Variants in EIF2A observed in about 807,000 individuals in gnomAD.
EIF2A encodes the protein 65 kDa eukaryotic translation initiation factor 2A.
Under a neutral mutation model 75.2 loss-of-function variants are expected in EIF2A, and 62 were observed. The ratio of observed to expected loss-of-function variants is 0.82; its 90% CI spans 0.67 to 1.02. The LOEUF (loss-of-function observed/expected upper bound fraction) is 1.02, where lower values mean the gene tolerates loss of function less well. EIF2A is among the 50% of genes least tolerant of loss of function. The pLI, the probability that EIF2A is intolerant of heterozygous loss-of-function variation, is 0.00. For missense variants in EIF2A, 611 were observed against 677.7 expected, an observed-to-expected ratio of 0.90 and a Z score of 1.09; for synonymous variants, 207 against 239.0, an observed-to-expected ratio of 0.87 and a Z score of 1.23.
chr3:150,582,196 T>C (rs1167686598), intron 12 of EIF2A, among the ~76,000 whole-genome samples: 2 of 151,418 alleles, frequency 1.3e-5, no homozygotes, highest in Non-Finnish European at 2.9e-5. Flanking sequence ...AGACAGGGTT[T>C]CACCATGTTG....
At chr3:150,552,939 G>A (rs910395466) in intron 2 of EIF2A, 1 of 152,514 alleles carries the variant, frequency 6.6e-6, no homozygotes, top group African/African-American at 2.4e-5. Flanking sequence ...GCGGGGGAGA[G>A]AGTTACAGGA....
chr3:150,565,341 T>C (rs1164927062), intron 6 of EIF2A: 1 of 354,686 alleles, frequency 2.8e-6, no homozygotes, highest in African/African-American at 2.2e-5. Flanking sequence ...GTTTCATGCC[T>C]GGATGCATTA....
At chr3:150,563,391 C>A in intron 4 of EIF2A, 124 bp from the exon 5 acceptor site, 1 of 702,820 alleles carries the variant, frequency 1.4e-6, no homozygotes, top group Non-Finnish European at 2.3e-6. Flanking sequence ...TTTGGTAACA[C>A]AGAGGCAAGC....
rs1432195975 is a variant in EIF2A at position 150,584,453 on chromosome 3, A to G, written c.*542A>G. 6.6e-6 allele frequency among the ~76,000 whole-genome samples: 1 copy of G among 152,206 alleles called. No homozygotes were observed. On this transcript the variant is annotated 3_prime_UTR_variant, in exon 14 of 14. Coordinates refer to ENST00000460851, the MANE Select transcript of EIF2A (RefSeq NM_032025.5). ...AATCCCAGAGCCTATGCTTTAGGTC[A>G]CTATGATATATACTACTCCTGTATC... is the stretch of plus-strand genomic sequence containing the variant.
At chr3:150,556,057 C>T (rs1269734417) in intron 2 of EIF2A, among the ~76,000 whole-genome samples, 4 of 152,186 alleles carry the variant, frequency 2.6e-5, no homozygotes, top group African/African-American at 9.7e-5. Context: ...CCTCCATGTG[C>T]TGCCGCAGTG....
chr3:150,554,145 A>G (rs900203430), intron 2 of EIF2A, among the ~76,000 whole-genome samples: 1 of 152,194 alleles, frequency 6.6e-6, no homozygotes, highest in Non-Finnish European at 1.5e-5. Context: ...ATTCACACCA[A>G]CCTAAGATGG....
intron 1 of EIF2A, among the ~76,000 whole-genome samples, chr3:150,549,219 TTTC>T (rs1271425627): frequency 4.7e-5 from 4 of 84,250 alleles, no homozygotes; most frequent in Non-Finnish European, 9.5e-5. Context: ...TCTTTCTTTC[TTTC>T]TTTTTTTTTT....
In EIF2A at chr3:150,569,420, A is replaced by ATTT. The variant is rs11456857; in HGVS notation, c.811+1138_811+1140dup. Among the ~76,000 whole-genome samples the ATTT allele has an allele frequency of 1.6e-3, 240 of 150,200 alleles. 1 individual carries two copies. In the East Asian group the frequency reaches 0.021, roughly 13 times the overall value. On this transcript the variant is annotated intron_variant, in intron 9 of 13. Coordinates refer to ENST00000460851, the MANE Select transcript of EIF2A (RefSeq NM_032025.5). ...TAAAACTAAATTTAAATGCTAACTGATTTTTTTTTTTTAACTAAATAAACT... is the reference window on the plus strand; with the variant it reads ...TAAAACTAAATTTAAATGCTAACTGATTTTTTTTTTTTTTTAACTAAATAAACT...
At position 150,563,549 on chromosome 3, in the gene EIF2A, A is replaced by G. The variant is rs972800469; in HGVS notation, c.327A>G (p.Leu109=). 2.6e-6 allele frequency: 4 copies of G among 1,546,178 alleles called. No homozygotes were observed. Among genetic ancestry groups the G allele is most frequent in the African/African-American group, 2.7e-5 (2 of 72,784 alleles). ...ATGGCACAGCTGGGATACCCAACCT[A>G]CAACTTTATGATGTGAAAACTGGGA... ...SKDGTAGIPN[L]QLYDVKTGTC... Residue 109 remains leucine, a synonymous_variant, in exon 5 of 14, where the codon CTA becomes CTG. Coordinates refer to ENST00000460851, the MANE Select transcript of EIF2A (RefSeq NM_032025.5).
chr3:150,575,185 C>T (rs1180925610), intron 10 of EIF2A, among the ~76,000 whole-genome samples: 1 of 151,898 alleles, frequency 6.6e-6, no homozygotes, highest in Non-Finnish European at 1.5e-5. Context: ...ATAATCTATT[C>T]TTGTTTTTTC....
intron 11 of EIF2A, among the ~76,000 whole-genome samples, chr3:150,576,031 G>A (rs1485383375): frequency 6.6e-6 from 1 of 152,174 alleles, no homozygotes; most frequent in Non-Finnish European, 1.5e-5. Context: ...AGTGAGCCAT[G>A]ATCGCATCAC....
chr3:150,554,134 G>T (rs1455183464), intron 2 of EIF2A, among the ~76,000 whole-genome samples: 2 of 152,174 alleles, frequency 1.3e-5, no homozygotes, highest in Non-Finnish European at 2.9e-5. Flanking sequence ...AACTTGAAGA[G>T]ATTCACACCA....
chr3:150,579,176 C>A (rs1725039412), intron 11 of EIF2A, among the ~76,000 whole-genome samples: 1 of 152,112 alleles, frequency 6.6e-6, no homozygotes, highest in African/African-American at 2.4e-5. Flanking sequence ...TTTTTAAAAT[C>A]TGATATCAAA....
At chr3:150,555,606 T>C (rs1339691550) in intron 2 of EIF2A, among the ~76,000 whole-genome samples, 1 of 147,884 alleles carries the variant, frequency 6.8e-6, no homozygotes, top group African/African-American at 2.5e-5. Context: ...AAACCCAGTC[T>C]GGCTGGGCGC....
At chr3:150,564,145 A>T (rs958198759) in intron 5 of EIF2A, among the ~76,000 whole-genome samples, 154 bp from the exon 6 acceptor site, 5 of 152,174 alleles carry the variant, frequency 3.3e-5, no homozygotes, top group African/African-American at 1.2e-4. Context: ...ATTGACTAAA[A>T]CTATTAGTAA....
In EIF2A at chr3:150,552,444, A is replaced by G. The variant is rs1393242251; in HGVS notation, c.98+19A>G. Reference sequence around the variant, plus strand: ...TTCCAAGGTATGATTTATTTTGTTAAGTAATGTTATAGGGAACATACAGTA... The same window carrying G: ...TTCCAAGGTATGATTTATTTTGTTAGGTAATGTTATAGGGAACATACAGTA... On this transcript the variant is annotated intron_variant, in intron 2 of 13. Transcript: ENST00000460851. 1 of 1,547,860 alleles carries G rather than the reference A, an allele frequency of 6.5e-7. No individual in the cohort carries two copies. The highest frequency in any genetic ancestry group is 8.7e-7 in the Non-Finnish European group (1 of 1,143,874).
chr3:150,578,519 G>T (rs1304487750), intron 11 of EIF2A, among the ~76,000 whole-genome samples: 1 of 151,688 alleles, frequency 6.6e-6, no homozygotes, highest in Admixed American at 6.6e-5. Flanking sequence ...GGGCTGATCA[G>T]TTATAAATTT....
chr3:150,576,312 G>A (rs907515568), intron 11 of EIF2A, among the ~76,000 whole-genome samples: 1 of 151,910 alleles, frequency 6.6e-6, no homozygotes. Flanking sequence ...CGTGTACCCC[G>A]TAGTCCCAGC....
rs146163986 is a variant in EIF2A at position 150,548,311 on chromosome 3, C to T, written c.28+1481C>T. On this transcript the variant is annotated intron_variant, in intron 1 of 13. Transcript: ENST00000460851. ...TCTGTGAAGCCTTTCGTCACTCTAC[C>T]CAGATAGAGTCAGTCACTTCCTGGG... Among the ~76,000 whole-genome samples the T allele has an allele frequency of 5.3e-4, 80 of 152,236 alleles. 1 individual carries two copies. In the South Asian group the frequency reaches 0.012, roughly 22 times the overall value.
Sources: allele counts gnomAD v4.1 joint callset (sites outside exome capture counted in the v4.1 genomes callset), GRCh38; gene constraint gnomAD v4.1.1; transcripts MANE v1.5; gene names NCBI Gene and HGNC (gene_info 2026-07-23, HGNC 2026-07-21).